Variants in MYO1D observed in about 807,000 individuals in gnomAD.
MYO1D encodes myosin ID.
In MYO1D, 83 loss-of-function variants were observed where a neutral mutation model predicts 122.0. The observed-to-expected ratio is 0.68, with a 90% CI of 0.57 to 0.82. MYO1D has a LOEUF of 0.82. Ranked by LOEUF, MYO1D falls within the 40% of genes least tolerant of loss-of-function variation. The probability of loss-of-function intolerance (pLI) is 0.00; values close to 1 mark genes in which losing one functional copy is unlikely to be tolerated. For missense variants in MYO1D, 1,157 were observed against 1,269.5 expected (o/e 0.91, Z 1.35); for synonymous variants, 464 against 446.9 (o/e 1.04, Z -0.48).
At chr17:32,573,955 C>T (rs1341333205) in intron 21 of MYO1D, among the ~76,000 whole-genome samples, 1 of 152,192 alleles carries the variant, frequency 6.6e-6, no homozygotes, top group Non-Finnish European at 1.5e-5. Flanking sequence ...AGGGTTCACG[C>T]CATTCTCCTG....
chr17:32,553,077 C>CAAAAAAAAAAAA (rs200769034), intron 21 of MYO1D, among the ~76,000 whole-genome samples: 3 of 105,774 alleles, frequency 2.8e-5, no homozygotes, highest in African/African-American at 4.0e-5. Flanking sequence ...TTCTCTAAGA[C>CAAAAAAAAAAAA]AAAAAAAAAA....
intron 1 of MYO1D, among the ~76,000 whole-genome samples, chr17:32,787,355 G>A (rs1364981909): frequency 1.3e-5 from 2 of 151,860 alleles, no homozygotes; most frequent in African/African-American, 4.8e-5. Context: ...GTTCTTTAGG[G>A]GTGATTTCCA....
chr17:32,685,302 G>A (rs1322044893), intron 16 of MYO1D, among the ~76,000 whole-genome samples: 2 of 152,152 alleles, frequency 1.3e-5, no homozygotes, highest in Non-Finnish European at 2.9e-5. Flanking sequence ...ACAACTCTTG[G>A]TTGGATTATT....
At chr17:32,606,512 G>C (rs1375450333) in intron 20 of MYO1D, among the ~76,000 whole-genome samples, 2 of 152,228 alleles carry the variant, frequency 1.3e-5, no homozygotes, top group African/African-American at 4.8e-5. Flanking sequence ...ACCAAGTGGA[G>C]TTTATCTAAG....
chr17:32,857,913 T>C (rs1363532296), intron 1 of MYO1D, among the ~76,000 whole-genome samples: 1 of 152,234 alleles, frequency 6.6e-6, no homozygotes, highest in Non-Finnish European at 1.5e-5. Flanking sequence ...TCTCCAATTA[T>C]ATCATTATTC....
intron 20 of MYO1D, among the ~76,000 whole-genome samples, chr17:32,607,910 A>G (rs2087648752): frequency 6.6e-6 from 1 of 152,222 alleles, no homozygotes; most frequent in Admixed American, 6.5e-5. Flanking sequence ...GGGCATCTGG[A>G]TAACTTGGAA....
chr17:32,771,326 T>C (rs2090110824), intron 5 of MYO1D, 106 bp from the exon 6 acceptor site: 8 of 727,890 alleles, frequency 1.1e-5, no homozygotes, highest in African/African-American at 1.8e-5. Context: ...AATTCACTTA[T>C]GTCTTCCTGT....
At chr17:32,720,881 C>T in intron 15 of MYO1D, 142 bp downstream of exon 15, 1 of 899,570 alleles carries the variant, frequency 1.1e-6, no homozygotes, top group South Asian at 2.7e-5. Context: ...CTGGGAAAGT[C>T]TTTCATATTT....
At chr17:32,661,691 A>G (rs1458583905) in intron 16 of MYO1D, among the ~76,000 whole-genome samples, 1 of 151,860 alleles carries the variant, frequency 6.6e-6, no homozygotes, top group Non-Finnish European at 1.5e-5. Context: ...AACCACGTAT[A>G]TTATGATTTC....
chr17:32,515,253 A>G (rs927795731), intron 21 of MYO1D, among the ~76,000 whole-genome samples: 3 of 152,324 alleles, frequency 2.0e-5, no homozygotes, highest in African/African-American at 7.2e-5. Flanking sequence ...CTTCCAGGGC[A>G]AAAAGGCTTG....
At chr17:32,653,385 T>A (rs1172317962) in intron 19 of MYO1D, among the ~76,000 whole-genome samples, 3 of 151,494 alleles carry the variant, frequency 2.0e-5, no homozygotes, top group Non-Finnish European at 4.4e-5. Flanking sequence ...GGCAGGTGAA[T>A]CACCTGAGAT....
intron 1 of MYO1D, among the ~76,000 whole-genome samples, chr17:32,811,171 A>T (rs2090568788): frequency 6.6e-6 from 1 of 152,244 alleles, no homozygotes; most frequent in Non-Finnish European, 1.5e-5. Context: ...CTACATTTCC[A>T]GTTCAGACAT....
At chr17:32,866,087 C>T (rs760298001) in intron 1 of MYO1D, among the ~76,000 whole-genome samples, 10 of 152,116 alleles carry the variant, frequency 6.6e-5, no homozygotes, top group South Asian at 2.1e-4. Flanking sequence ...TATTCACAGG[C>T]GTGACCATAG....
At position 32,653,958 on chromosome 17, in the gene MYO1D, A is replaced by C. The variant is rs1486080185; in HGVS notation, c.2491-11T>G. ...AGGTGTATCTGGCTTCTGAAAGAGAAAGGAAACAAGACAAAATGAGTATGC... is the reference window on the plus strand; with the variant it reads ...AGGTGTATCTGGCTTCTGAAAGAGACAGGAAACAAGACAAAATGAGTATGC... On this transcript the variant is annotated splice_polypyrimidine_tract_variant and intron_variant, in intron 18 of 21. Transcript: ENST00000318217. The C allele has an allele frequency of 6.2e-7, 1 of 1,600,292 alleles. No individual in the cohort carries two copies. Among genetic ancestry groups the C allele is most frequent in the South Asian group, 1.1e-5 (1 of 90,318 alleles).
At chr17:32,657,099 T>C (rs2088487452) in intron 17 of MYO1D, among the ~76,000 whole-genome samples, 1 of 152,138 alleles carries the variant, frequency 6.6e-6, no homozygotes, top group Non-Finnish European at 1.5e-5. Flanking sequence ...GCTGCAGCCA[T>C]AAAAATCACC....
chr17:32,668,804 C>T (rs1339555347), intron 16 of MYO1D, among the ~76,000 whole-genome samples: 2 of 151,784 alleles, frequency 1.3e-5, no homozygotes, highest in African/African-American at 4.8e-5. Flanking sequence ...CAGGTTCATG[C>T]CATTCTCTTG....
intron 16 of MYO1D, among the ~76,000 whole-genome samples, chr17:32,682,227 C>T (rs1290988655): frequency 6.6e-6 from 1 of 150,558 alleles, no homozygotes; most frequent in East Asian, 1.9e-4. Flanking sequence ...TGTGTCTTTT[C>T]ATTGGAGCAT....
At chr17:32,596,122 T>C (rs1307834867) in intron 21 of MYO1D, among the ~76,000 whole-genome samples, 1 of 152,246 alleles carries the variant, frequency 6.6e-6, no homozygotes, top group East Asian at 1.9e-4. Context: ...TCAATAATTA[T>C]TTTAAATAGC....
chr17:32,545,881 G>T (rs34253219), intron 21 of MYO1D, among the ~76,000 whole-genome samples: 3,555 of 151,734 alleles, frequency 0.023, 72 homozygotes, highest in African/African-American at 0.055. Flanking sequence ...AGAATTTAAG[G>T]TCTGTTTCTT....
Sources: allele counts gnomAD v4.1 joint callset (sites outside exome capture counted in the v4.1 genomes callset), GRCh38; gene constraint gnomAD v4.1.1; transcripts MANE v1.5; gene names NCBI Gene and HGNC (gene_info 2026-07-23, HGNC 2026-07-21).